The following STK3 variants were observed in gnomAD, a reference collection of about 807,000 sequenced individuals.
STK3 encodes the protein serine/threonine kinase 3.
In STK3, 41 loss-of-function variants were observed where a neutral mutation model predicts 58.0. The observed-to-expected ratio is 0.71, with a 90% CI of 0.55 to 0.92. The LOEUF (loss-of-function observed/expected upper bound fraction) is 0.92, where lower values mean the gene tolerates loss of function less well. Ranked by LOEUF, STK3 falls within the 40% of genes least tolerant of loss-of-function variation. STK3 has a pLI of 0.00. For missense variants in STK3, 479 were observed against 602.7 expected (o/e 0.79, Z 2.15); for synonymous variants, 170 against 191.0 (o/e 0.89, Z 0.91).
the STK3 span, among the ~76,000 whole-genome samples, chr8:98,349,746 C>T: frequency 1.3e-5 from 2 of 152,228 alleles, no homozygotes; most frequent in Non-Finnish European, 1.5e-5. Context: ...GGGACTTGCA[C>T]CCTCTGAAGC....
intron 4 of STK3, among the ~76,000 whole-genome samples, chr8:98,715,983 G>C (rs1177649131): frequency 6.6e-6 from 1 of 152,056 alleles, no homozygotes; most frequent in Non-Finnish European, 1.5e-5. Context: ...TTCTTTGTAG[G>C]GACATGGATG....
intron 2 of STK3, among the ~76,000 whole-genome samples, 186 bp downstream of exon 2, chr8:98,774,553 G>A (rs1563986615): frequency 6.6e-6 from 1 of 151,904 alleles, no homozygotes; most frequent in Admixed American, 6.6e-5. Flanking sequence ...TACTTTCTCT[G>A]AAAAAACACT....
At chr8:98,562,408 G>A (rs986841933) in intron 8 of STK3, among the ~76,000 whole-genome samples, 3 of 151,952 alleles carry the variant, frequency 2.0e-5, no homozygotes, top group African/African-American at 4.8e-5. Context: ...AATGAAAAAA[G>A]CCAGTCTGAA....
chr8:98,693,484 C>G (rs954996244), intron 6 of STK3, among the ~76,000 whole-genome samples: 2 of 151,992 alleles, frequency 1.3e-5, no homozygotes, highest in Admixed American at 1.3e-4. Context: ...CAACTACAAT[C>G]TAAGGAAAAC....
chr8:98,475,817 G>A (rs1162532357), intron 10 of STK3, among the ~76,000 whole-genome samples: 1 of 152,148 alleles, frequency 6.6e-6, no homozygotes, highest in Non-Finnish European at 1.5e-5. Context: ...TGCCAGACGC[G>A]AAACAAATTA....
At chr8:98,515,401 A>C (rs1702031473) in intron 10 of STK3, among the ~76,000 whole-genome samples, 3 of 152,216 alleles carry the variant, frequency 2.0e-5, no homozygotes, top group African/African-American at 7.2e-5. Flanking sequence ...TGAAATGTGC[A>C]AAAAAGCATT....
intron 3 of STK3, among the ~76,000 whole-genome samples, chr8:98,878,719 C>G (rs1837663620): frequency 6.6e-6 from 1 of 152,040 alleles, no homozygotes; most frequent in African/African-American, 2.4e-5. Context: ...AGGGTGCACC[C>G]TTCTCTAGAA....
intron 6 of STK3, among the ~76,000 whole-genome samples, chr8:98,660,515 A>C (rs556278623): frequency 6.6e-6 from 1 of 152,222 alleles, no homozygotes; most frequent in Admixed American, 6.6e-5. Context: ...TACATCTTAC[A>C]GGTAAAACAT....
At chr8:98,802,482 A>C (rs1833619089) in intron 1 of STK3, among the ~76,000 whole-genome samples, 1 of 152,208 alleles carries the variant, frequency 6.6e-6, no homozygotes, top group South Asian at 2.1e-4. Flanking sequence ...ATATTATGTA[A>C]GATTGGCCAA....
chr8:98,351,018 C>T, the STK3 span, among the ~76,000 whole-genome samples: 4 of 152,176 alleles, frequency 2.6e-5, no homozygotes, highest in South Asian at 8.3e-4. Flanking sequence ...TATTATCACA[C>T]TTTTTGCCAG....
At chr8:98,769,442 A>G (rs1831156632) in intron 2 of STK3, among the ~76,000 whole-genome samples, 1 of 152,194 alleles carries the variant, frequency 6.6e-6, no homozygotes, top group Admixed American at 6.5e-5. Flanking sequence ...GCCCGCTGCC[A>G]TCCATGTACG....
chr8:98,662,576 A>G (rs890443575), intron 6 of STK3, among the ~76,000 whole-genome samples: 2 of 152,126 alleles, frequency 1.3e-5, no homozygotes, highest in Non-Finnish European at 2.9e-5. Flanking sequence ...CTTAAATAAC[A>G]CTCTATCTAC....
chr8:98,351,722 C>G, the STK3 span, among the ~76,000 whole-genome samples: 1 of 152,152 alleles, frequency 6.6e-6, no homozygotes, highest in South Asian at 2.1e-4. Context: ...AGGGACATCC[C>G]TAGCATTCAG....
At chr8:98,424,150 T>C (rs1818204344) in intron 3 of STK3, among the ~76,000 whole-genome samples, 1 of 152,272 alleles carries the variant, frequency 6.6e-6, no homozygotes, top group African/African-American at 2.4e-5. Flanking sequence ...GCCTGTCACA[T>C]ACACTTAACC....
chr8:98,467,776 A>G (rs1414265689), intron 10 of STK3, among the ~76,000 whole-genome samples: 2 of 152,290 alleles, frequency 1.3e-5, no homozygotes, highest in East Asian at 3.9e-4. Context: ...CTTCTCTCAA[A>G]AAATTCTCCA....
chr8:98,576,428 T>C (rs1813400337), intron 8 of STK3, among the ~76,000 whole-genome samples: 1 of 152,190 alleles, frequency 6.6e-6, no homozygotes, highest in Admixed American at 6.5e-5. Flanking sequence ...TTTCCTCTTC[T>C]GCAAAAAATG....
intron 7 of STK3, among the ~76,000 whole-genome samples, chr8:98,589,367 T>C (rs1037235660): frequency 3.9e-5 from 6 of 152,220 alleles, no homozygotes; most frequent in African/African-American, 1.2e-4. Flanking sequence ...GTGTGAGGTG[T>C]CAGTGTGCCC....
chr8:98,794,717 A>C (rs913476058), intron 1 of STK3, among the ~76,000 whole-genome samples: 1 of 152,122 alleles, frequency 6.6e-6, no homozygotes, highest in African/African-American at 2.4e-5. Flanking sequence ...AGAAAAAAGA[A>C]AACTACAAAC....
intron 1 of STK3, among the ~76,000 whole-genome samples, chr8:98,807,407 C>G (rs1489191098): frequency 3.3e-5 from 5 of 152,004 alleles, no homozygotes; most frequent in Non-Finnish European, 7.4e-5. Context: ...CAGAAGCACA[C>G]TACCATGCTC....
Sources: gnomAD v4.1 joint callset for allele counts (sites outside exome capture counted in the v4.1 genomes callset) on GRCh38, gnomAD v4.1.1 for gene constraint, MANE v1.5 for transcripts, NCBI Gene and HGNC (gene_info 2026-07-23, HGNC 2026-07-21) for gene names.